Variants in COL26A1 observed in about 807,000 individuals in gnomAD.
COL26A1 encodes the protein collagen alpha-1(XXVI) chain.
A neutral mutation model predicts 59.3 loss-of-function variants in COL26A1; 41 were observed. The ratio of observed to expected loss-of-function variants is 0.69; its 90% CI spans 0.54 to 0.90. The LOEUF is 0.90. Among genes scored for constraint, COL26A1 ranks in the 40% least tolerant of loss-of-function variants. COL26A1 has a pLI of 0.00. For synonymous variants in COL26A1, 266 were observed against 256.0 expected (o/e 1.04, Z -0.37); for missense variants, 612 against 602.3 (o/e 1.02, Z -0.17).
intron 1 of COL26A1, among the ~76,000 whole-genome samples, chr7:101,413,775 T>C (rs1792303504): frequency 6.6e-6 from 1 of 152,138 alleles, no homozygotes; most frequent in Non-Finnish European, 1.5e-5. Flanking sequence ...TGTGTTCATT[T>C]CTTGGCAGTT....
At position 101,557,595 on chromosome 7, in the gene COL26A1, C is replaced by A; in HGVS notation, c.*65C>A. On this transcript the variant is annotated 3_prime_UTR_variant, in exon 13 of 13. Transcript: ENST00000313669. ...CCAGCCCCAGAGGCCTGAGCCGCCG[C>A]TGTTTCCTAAAGATGCCCCCAGGGG... is the stretch of plus-strand genomic sequence containing the variant. 1 of 1,495,714 alleles carries A rather than the reference C, an allele frequency of 6.7e-7. No individual in the cohort carries two copies. Among genetic ancestry groups the A allele is most frequent in the Admixed American group, 2.0e-5 (1 of 49,284 alleles). The allele number at this position is 1,495,714 out of a possible 1,614,324, so 92.7% of individuals were successfully genotyped here.
intron 3 of COL26A1, among the ~76,000 whole-genome samples, chr7:101,473,090 T>G (rs1029539980): frequency 6.6e-6 from 1 of 151,900 alleles, no homozygotes; most frequent in Non-Finnish European, 1.5e-5. Context: ...TTTTTTTTCT[T>G]TTTTTTTGAC....
intron 3 of COL26A1, among the ~76,000 whole-genome samples, chr7:101,461,903 G>T (rs1223216751): frequency 6.6e-6 from 1 of 152,152 alleles, no homozygotes; most frequent in Non-Finnish European, 1.5e-5. Flanking sequence ...CCTCACCGTT[G>T]GGGCCATGGG....
intron 3 of COL26A1, among the ~76,000 whole-genome samples, chr7:101,482,303 G>A (rs1358347212): frequency 1.3e-5 from 2 of 152,106 alleles, no homozygotes; most frequent in East Asian, 1.9e-4. Context: ...CCACCACCGC[G>A]CCTGGCCTTC....
intron 3 of COL26A1, among the ~76,000 whole-genome samples, chr7:101,495,821 C>A (rs1344298267): frequency 1.3e-5 from 2 of 151,378 alleles, no homozygotes; most frequent in African/African-American, 4.8e-5. Flanking sequence ...AGGCCGGGCG[C>A]AGTGGCTCAC....
In COL26A1 at chr7:101,387,776, A is replaced by ATT. The variant is rs1445116473; in HGVS notation, c.158+24587_158+24588insTT. 6.5e-3 allele frequency among the ~76,000 whole-genome samples: 550 copies of ATT among 84,726 alleles called. 11 individuals carry two copies. Among genetic ancestry groups the ATT allele is most frequent in the African/African-American group, 0.015 (308 of 21,188 alleles). The allele number at this position is 84,726 out of a possible 152,430, so 55.6% of individuals were successfully genotyped here. On this transcript the variant is annotated intron_variant, in intron 1 of 12. Transcript: ENST00000313669. ...TATTTATATATATATATATATATAT[A>ATT]TATTTTTTTTTAAGACAGAGTCTCA...
chr7:101,476,175 TGTGA>T (rs755627700), intron 3 of COL26A1, among the ~76,000 whole-genome samples: 104 of 149,162 alleles, frequency 7.0e-4, no homozygotes, highest in Admixed American at 1.9e-3. Context: ...TGTGTGTGTG[TGTGA>T]GTAGAGATGG....
chr7:101,471,359 A>G (rs1293116867), intron 3 of COL26A1, among the ~76,000 whole-genome samples: 1 of 152,038 alleles, frequency 6.6e-6, no homozygotes, highest in Non-Finnish European at 1.5e-5. Flanking sequence ...TGTCATCTAG[A>G]CTCCCAATAG....
intron 1 of COL26A1, among the ~76,000 whole-genome samples, chr7:101,391,985 T>TG (rs2130154328): frequency 6.6e-6 from 1 of 152,202 alleles, no homozygotes; most frequent in African/African-American, 2.4e-5. Context: ...CCTAAAGTGC[T>TG]GGGATTACAG....
intron 6 of COL26A1, 37 bp downstream of exon 6, chr7:101,544,133 T>G (rs1428210857): frequency 6.7e-7 from 1 of 1,495,272 alleles, no homozygotes; most frequent in East Asian, 2.4e-5. Context: ...GTTGTCAACC[T>G]GCGGAAGGGG....
intron 5 of COL26A1, among the ~76,000 whole-genome samples, chr7:101,540,677 A>AC (rs1795596529): frequency 6.6e-6 from 1 of 151,924 alleles, no homozygotes. Context: ...ACATGGTAAA[A>AC]CCCCCATTTC....
intron 3 of COL26A1, among the ~76,000 whole-genome samples, chr7:101,460,785 AG>A (rs1465303690): frequency 8.0e-6 from 1 of 124,254 alleles, no homozygotes; most frequent in Non-Finnish European, 1.9e-5. Flanking sequence ...CATCTCAGGA[AG>A]AAAAAAAAAA....
chr7:101,378,093 T>TG (rs1791361083), intron 1 of COL26A1, among the ~76,000 whole-genome samples: 1 of 151,994 alleles, frequency 6.6e-6, no homozygotes, highest in Admixed American at 6.6e-5. Context: ...AAAAATTTTT[T>TG]GGGGGGCTGG....
chr7:101,479,500 C>T (rs1042215086), intron 3 of COL26A1, among the ~76,000 whole-genome samples: 2 of 152,100 alleles, frequency 1.3e-5, no homozygotes, highest in African/African-American at 4.8e-5. Flanking sequence ...CTGAAGGTGT[C>T]TTTGGAGGTA....
At chr7:101,407,108 ACTC>A (rs1792145348) in intron 1 of COL26A1, among the ~76,000 whole-genome samples, 1 of 151,136 alleles carries the variant, frequency 6.6e-6, no homozygotes, top group Non-Finnish European at 1.5e-5. Context: ...TGGGGTATCT[ACTC>A]CACCCACTGT....
intron 1 of COL26A1, among the ~76,000 whole-genome samples, chr7:101,367,267 A>G (rs148903831): frequency 1.0e-3 from 153 of 152,294 alleles, no homozygotes; most frequent in African/African-American, 3.3e-3. Flanking sequence ...TTGAAGCCCT[A>G]TCCTCCAATG....
At chr7:101,404,742 A>G (rs2130212753) in intron 1 of COL26A1, among the ~76,000 whole-genome samples, 1 of 152,238 alleles carries the variant, frequency 6.6e-6, no homozygotes, top group South Asian at 2.1e-4. Context: ...TACAAAAACA[A>G]AGTGCGAAAA....
intron 3 of COL26A1, among the ~76,000 whole-genome samples, chr7:101,475,783 T>TC: frequency 3.7e-5 from 4 of 107,876 alleles, no homozygotes; most frequent in African/African-American, 2.7e-4. Flanking sequence ...TTTCTTTCTT[T>TC]CTTTCCTTCC....
intron 8 of COL26A1, 74 bp downstream of exon 8, chr7:101,547,313 G>A: frequency 9.2e-7 from 1 of 1,092,882 alleles, no homozygotes; most frequent in Admixed American, 2.4e-5. Context: ...GGGGCCTTGA[G>A]GGGAGCTGGA....
Sources: gnomAD v4.1 joint callset for allele counts (sites outside exome capture counted in the v4.1 genomes callset) on GRCh38, gnomAD v4.1.1 for gene constraint, MANE v1.5 for transcripts, NCBI Gene and HGNC (gene_info 2026-07-23, HGNC 2026-07-21) for gene names.